The following SPOCK1 variants were observed in gnomAD, a reference collection of about 807,000 sequenced individuals.
SPOCK1 encodes SPARC (osteonectin), cwcv and kazal like domains proteoglycan 1, also known as testican-1.
SPOCK1 carries 23 observed loss-of-function variants against 55.3 expected under a neutral mutation model. The ratio of observed to expected loss-of-function variants is 0.42; its 90% CI spans 0.30 to 0.59. The LOEUF is 0.59. SPOCK1 is among the 20% of genes least tolerant of loss of function. SPOCK1 has a pLI of 0.22. For synonymous variants in SPOCK1, 226 were observed against 221.0 expected (o/e 1.02, Z -0.20); for missense variants, 499 against 552.5 (o/e 0.90, Z 0.97).
intron 6 of SPOCK1, among the ~76,000 whole-genome samples, chr5:137,064,265 A>G (rs1028424749): frequency 5.3e-5 from 8 of 152,208 alleles, no homozygotes; most frequent in African/African-American, 1.9e-4. Context: ...ACAGCCCTGC[A>G]TTAACAGAAT....
chr5:137,185,129 G>GA (rs1302392904), intron 3 of SPOCK1, among the ~76,000 whole-genome samples: 2 of 152,130 alleles, frequency 1.3e-5, no homozygotes, highest in African/African-American at 2.4e-5. Context: ...GCAGAGAGAG[G>GA]AAAAAATGGA....
Position 137,140,707 on chromosome 5 carries a change from C to G in SPOCK1, c.233-13G>C. On this transcript the variant is annotated splice_polypyrimidine_tract_variant and intron_variant, in intron 3 of 10. Transcript: ENST00000394945. ...GATGGGTCCAGGGCTGAGGCAAAAA[C>G]AAGAAGGAGGGCAGGGTTTAGGACC... 7.5e-7 allele frequency: 1 copy of G among 1,333,600 alleles called. No individual in the cohort carries two copies. The highest frequency in any genetic ancestry group is 1.0e-6 in the Non-Finnish European group (1 of 959,984). 82.6% of individuals were successfully genotyped at this position (1,333,600 alleles called of 1,614,324 possible).
intron 2 of SPOCK1, among the ~76,000 whole-genome samples, chr5:137,341,976 C>T (rs1173297759): frequency 6.6e-6 from 1 of 152,216 alleles, no homozygotes; most frequent in Non-Finnish European, 1.5e-5. Context: ...GATCCTTTAC[C>T]ATGTGACTGT....
chr5:137,379,433 G>A (rs182927684), intron 2 of SPOCK1, among the ~76,000 whole-genome samples: 301 of 152,072 alleles, frequency 2.0e-3, no homozygotes, highest in African/African-American at 6.3e-3. Context: ...GGTAATATGC[G>A]AATGCATTTC....
chr5:137,433,539 C>A (rs1370008361), intron 2 of SPOCK1, among the ~76,000 whole-genome samples: 2 of 152,192 alleles, frequency 1.3e-5, no homozygotes, highest in East Asian at 1.9e-4. Flanking sequence ...GAGAGGCAGG[C>A]CCCATTTGGC....
At chr5:137,040,844 C>G (rs200738672) in intron 6 of SPOCK1, among the ~76,000 whole-genome samples, 1 of 152,148 alleles carries the variant, frequency 6.6e-6, no homozygotes, top group East Asian at 1.9e-4. Flanking sequence ...ATGGTCATGC[C>G]CAACCATCTG....
intron 5 of SPOCK1, among the ~76,000 whole-genome samples, chr5:137,097,535 C>T (rs537353196): frequency 1.3e-5 from 2 of 152,134 alleles, no homozygotes; most frequent in Admixed American, 6.5e-5. Context: ...GCTGAGCAAG[C>T]ATTGGACAAA....
At chr5:137,358,514 A>C in intron 2 of SPOCK1, among the ~76,000 whole-genome samples, 1 of 89,132 alleles carries the variant, frequency 1.1e-5, no homozygotes, top group Non-Finnish European at 2.3e-5. Flanking sequence ...GACAGAAGGG[A>C]GGAGGTGGAG....
chr5:137,140,747 A>ATTTTTTTTTTTTTTTT (rs11309240), intron 3 of SPOCK1, 53 bp from the exon 4 acceptor site: 1 of 328,300 alleles, frequency 3.0e-6, no homozygotes, highest in African/African-American at 3.7e-5. Context: ...GGGAAATTTA[A>ATTTTTTTTTTTTTTTT]TTTTTTTTTT....
chr5:137,399,651 G>A (rs192176863), intron 2 of SPOCK1, among the ~76,000 whole-genome samples: 36 of 152,164 alleles, frequency 2.4e-4, no homozygotes, highest in Admixed American at 5.2e-4. Flanking sequence ...TAGACCAGAC[G>A]TTTGCACGTA....
At chr5:137,131,989 A>AATATAT (rs869252723) in intron 4 of SPOCK1, among the ~76,000 whole-genome samples, 33 of 36,048 alleles carry the variant, frequency 9.2e-4, no homozygotes, top group African/African-American at 4.1e-3. Flanking sequence ...AAAAAAAAAA[A>AATATAT]ATATATATAT....
At chr5:137,399,450 T>C (rs377451631) in intron 2 of SPOCK1, among the ~76,000 whole-genome samples, 1 of 152,234 alleles carries the variant, frequency 6.6e-6, no homozygotes, top group Non-Finnish European at 1.5e-5. Flanking sequence ...GCGTTTAATC[T>C]ATATGACTTG....
intron 6 of SPOCK1, among the ~76,000 whole-genome samples, chr5:137,034,437 C>T (rs1301005712): frequency 1.3e-5 from 2 of 152,146 alleles, no homozygotes; most frequent in East Asian, 1.9e-4. Flanking sequence ...GCTGTAAATC[C>T]CTACAGGCAG....
intron 2 of SPOCK1, among the ~76,000 whole-genome samples, chr5:137,419,185 G>T (rs1326125193): frequency 6.6e-6 from 1 of 152,194 alleles, no homozygotes; most frequent in Non-Finnish European, 1.5e-5. Context: ...CTAGTACCAT[G>T]CTGTTTTGGT....
intron 6 of SPOCK1, among the ~76,000 whole-genome samples, chr5:137,036,568 T>C (rs7722319): frequency 0.029 from 4,455 of 152,320 alleles, 238 homozygotes; most frequent in African/African-American, 0.1. Flanking sequence ...ATTTGTGTCA[T>C]GGAATAAATG....
chr5:137,116,577 C>G (rs962109212), intron 4 of SPOCK1, among the ~76,000 whole-genome samples: 1 of 151,568 alleles, frequency 6.6e-6, no homozygotes, highest in Non-Finnish European at 1.5e-5. Flanking sequence ...ACACGGCAGG[C>G]GGAGGTTACA....
chr5:137,326,573 G>A (rs1177649417), intron 2 of SPOCK1, among the ~76,000 whole-genome samples: 1 of 152,188 alleles, frequency 6.6e-6, no homozygotes, highest in South Asian at 2.1e-4. Context: ...CTTCCCCAAT[G>A]TGCCAGGAAT....
chr5:137,032,870 G>A (rs1751808497), intron 6 of SPOCK1, among the ~76,000 whole-genome samples: 2 of 152,130 alleles, frequency 1.3e-5, no homozygotes, highest in Admixed American at 6.5e-5. Context: ...GGATGGAACA[G>A]GCAGAGAAGG....
intron 4 of SPOCK1, among the ~76,000 whole-genome samples, chr5:137,131,849 G>A (rs1361468831): frequency 1.4e-5 from 2 of 148,024 alleles, no homozygotes; most frequent in South Asian, 2.1e-4. Flanking sequence ...GCGGGCGCCT[G>A]TAGTCCCAGC....
Sources: allele counts gnomAD v4.1 joint callset (sites outside exome capture counted in the v4.1 genomes callset), GRCh38; gene constraint gnomAD v4.1.1; transcripts MANE v1.5; gene names NCBI Gene and HGNC (gene_info 2026-07-23, HGNC 2026-07-21).